The following DDHD1 variants were observed in gnomAD, a reference collection of about 807,000 sequenced individuals.
DDHD1 encodes DDHD domain containing 1.
A neutral mutation model predicts 96.4 loss-of-function variants in DDHD1; 49 were observed. That is an observed-to-expected ratio of 0.51 (90% confidence interval 0.40 to 0.64). DDHD1 has a LOEUF of 0.64. DDHD1 is among the 30% of genes least tolerant of loss of function. The pLI is 0.00. For synonymous variants in DDHD1, 442 were observed against 446.5 expected, an observed-to-expected ratio of 0.99 and a Z score of 0.13; for missense variants, 1,106 against 1,161.2, an observed-to-expected ratio of 0.95 and a Z score of 0.69.
At chr14:53,122,863 G>C (rs1889108371) in intron 1 of DDHD1, among the ~76,000 whole-genome samples, 1 of 151,754 alleles carries the variant, frequency 6.6e-6, no homozygotes, top group Non-Finnish European at 1.5e-5. Context: ...CACCGTGCCT[G>C]GCCAGTAATT....
rs1376907570 is a variant in DDHD1 at position 53,091,866 on chromosome 14, G to A, written c.1208C>T (p.Ser403Leu). 2 of 1,613,684 alleles carry A rather than the reference G, an allele frequency of 1.2e-6. No homozygotes were observed. The highest frequency in any genetic ancestry group is 2.2e-5 in the East Asian group (1 of 44,834). The change falls in exon 4 of 13, where the codon TCA becomes TTA. Residue 403 changes from serine (S) to leucine (L), a missense_variant. Ser to Leu is a moderately radical substitution (Grantham distance 145). Around this residue, in one of 2 missense-constraint regions of DDHD1, gnomAD observed 650 missense variants for 758.8 expected, o/e 0.86. Coordinates refer to ENST00000673822, the MANE Select transcript of DDHD1 (RefSeq NM_001160148.2). ...VEEATLEDKPSQTTHIVFVVH... is the reference protein window; with the variant it reads ...VEEATLEDKPLQTTHIVFVVH... ...AACAAATACAATATGGGTAGTCTGT[G>A]ATGGCTTGTCTTCTAATGTGGCTTC...
chr14:53,082,214 G>A (rs1885525602), intron 4 of DDHD1, among the ~76,000 whole-genome samples: 1 of 151,992 alleles, frequency 6.6e-6, no homozygotes, highest in South Asian at 2.1e-4. Context: ...AGCAATGAAT[G>A]TTTACTTCAT....
intron 2 of DDHD1, chr14:53,093,961 G>C (rs1886656295): frequency 6.5e-6 from 1 of 153,270 alleles, no homozygotes; most frequent in South Asian, 2.0e-4. Flanking sequence ...GGATCACGAG[G>C]TCAGGAGATC....
intron 2 of DDHD1, among the ~76,000 whole-genome samples, chr14:53,099,585 G>A (rs972669032): frequency 2.0e-5 from 3 of 152,126 alleles, no homozygotes; most frequent in Non-Finnish European, 4.4e-5. Context: ...TACCCATTCA[G>A]TTCAACCTAT....
intron 1 of DDHD1, among the ~76,000 whole-genome samples, chr14:53,145,359 TG>T (rs1433567486): frequency 6.6e-6 from 1 of 151,816 alleles, no homozygotes; most frequent in Non-Finnish European, 1.5e-5. Flanking sequence ...AAAAATTAGC[TG>T]GGCATGGTGA....
chr14:53,097,762 G>A (rs1167495089), intron 2 of DDHD1, among the ~76,000 whole-genome samples: 1 of 151,704 alleles, frequency 6.6e-6, no homozygotes, highest in South Asian at 2.1e-4. Flanking sequence ...AAACGCTTTC[G>A]GAAAGCTAGC....
chr14:53,076,777 G>A (rs111717538), intron 4 of DDHD1, among the ~76,000 whole-genome samples: 3 of 152,276 alleles, frequency 2.0e-5, no homozygotes, highest in African/African-American at 4.8e-5. Context: ...ATGGACGCAA[G>A]ACCCTTCAAC....
intron 6 of DDHD1, among the ~76,000 whole-genome samples, chr14:53,071,602 T>C (rs1884514074): frequency 6.6e-6 from 1 of 152,108 alleles, no homozygotes; most frequent in Admixed American, 6.6e-5. Context: ...TATATGTATA[T>C]ATTATCAAAT....
chr14:53,108,389 T>C (rs1887859471), intron 1 of DDHD1, among the ~76,000 whole-genome samples: 1 of 152,080 alleles, frequency 6.6e-6, no homozygotes, highest in South Asian at 2.1e-4. Flanking sequence ...GGCCCAAGAT[T>C]CCACTCCTTG....
intron 1 of DDHD1, among the ~76,000 whole-genome samples, chr14:53,106,498 A>C (rs752038149): frequency 5.9e-5 from 9 of 152,122 alleles, no homozygotes; most frequent in Non-Finnish European, 1.3e-4. Context: ...AGCTCTACTA[A>C]AAATATAAAA....
chr14:53,054,389 G>C (rs777262710), intron 11 of DDHD1, 49 bp downstream of exon 11: 1 of 1,562,484 alleles, frequency 6.4e-7, no homozygotes, highest in South Asian at 1.2e-5. Flanking sequence ...CCCTCCCCAA[G>C]TTTTAAAAAG....
intron 1 of DDHD1, among the ~76,000 whole-genome samples, chr14:53,105,572 T>G (rs1239989900): frequency 6.6e-6 from 1 of 152,202 alleles, no homozygotes; most frequent in African/African-American, 2.4e-5. Flanking sequence ...AGTTTTTGCC[T>G]GGATTCTACT....
At chr14:53,055,495 T>C (rs1369635557) in intron 10 of DDHD1, among the ~76,000 whole-genome samples, 165 bp downstream of exon 10, 1 of 152,208 alleles carries the variant, frequency 6.6e-6, no homozygotes, top group Non-Finnish European at 1.5e-5. Flanking sequence ...CAGAGAACTT[T>C]AGAGCTTTTT....
chr14:53,124,249 T>A (rs200127958), intron 1 of DDHD1, among the ~76,000 whole-genome samples: 1 of 146,426 alleles, frequency 6.8e-6, no homozygotes, highest in Non-Finnish European at 1.5e-5. Flanking sequence ...AAAAAAAAAA[T>A]TATATATATA....
At chr14:53,148,899 G>C (rs961318326) in intron 1 of DDHD1, among the ~76,000 whole-genome samples, 2 of 152,152 alleles carry the variant, frequency 1.3e-5, no homozygotes, top group Non-Finnish European at 2.9e-5. Context: ...CTGTAATAAG[G>C]ATGTTACATA....
Position 53,042,848 on chromosome 14 carries a change from T to C in DDHD1, c.*3920A>G, listed in dbSNP as rs1219816890. ...ATGATTGCTACGTTCTTTTTTGCTCTGCCTTGATCTTTAATATTTTACGTG... is the reference window on the plus strand; with the variant it reads ...ATGATTGCTACGTTCTTTTTTGCTCCGCCTTGATCTTTAATATTTTACGTG... On this transcript the variant is annotated 3_prime_UTR_variant, in exon 13 of 13. Transcript: ENST00000673822. 1 of 152,264 alleles carries C rather than the reference T, an allele frequency of 6.6e-6. No homozygotes were observed. Among genetic ancestry groups the C allele is most frequent in the Non-Finnish European group, 1.5e-5 (1 of 68,042 alleles). 9.4% of individuals were successfully genotyped at this position (152,264 alleles called of 1,614,324 possible). A position where few individuals can be genotyped will look rare whatever the true frequency, so the allele number is the denominator to read the frequency against.
In DDHD1 at chr14:53,041,940, G is replaced by A. The variant is rs1255470150; in HGVS notation, c.*4828C>T. On this transcript the variant is annotated 3_prime_UTR_variant, in exon 13 of 13. Transcript: ENST00000673822. The stretch of plus-strand genomic sequence containing the variant: ...AAAGAGAGGCAGTTTCTGCCCTTTA[G>A]GAGTAGTTTCCTATCGATTAGGGGA... 2.6e-5 allele frequency: 4 copies of A among 152,174 alleles called. No individual in the cohort carries two copies. Among genetic ancestry groups the A allele is most frequent in the African/African-American group, 9.7e-5 (4 of 41,428 alleles). 9.4% of individuals were successfully genotyped at this position (152,174 alleles called of 1,614,324 possible). A position where few individuals can be genotyped will look rare whatever the true frequency, so the allele number is the denominator to read the frequency against.
intron 1 of DDHD1, among the ~76,000 whole-genome samples, chr14:53,146,044 T>C (rs1187748087): frequency 6.6e-6 from 1 of 151,932 alleles, no homozygotes; most frequent in African/African-American, 2.4e-5. Flanking sequence ...CTGTCTCTAC[T>C]GAAAATACAC....
chr14:53,089,404 A>C (rs1249110157), intron 4 of DDHD1, among the ~76,000 whole-genome samples: 2 of 152,210 alleles, frequency 1.3e-5, no homozygotes, highest in African/African-American at 4.8e-5. Context: ...ATGCTAACTG[A>C]CTTCAAACTA....
Sources: allele counts gnomAD v4.1 joint callset (sites outside exome capture counted in the v4.1 genomes callset), GRCh38; gene constraint gnomAD v4.1.1; regional missense constraint gnomAD v4.1.1; transcripts MANE v1.5; gene names NCBI Gene and HGNC (gene_info 2026-07-23, HGNC 2026-07-21).